EPB41L4B: variants seen among roughly 807,000 people sequenced by gnomAD.
EPB41L4B encodes erythrocyte membrane protein band 4.1 like 4B.
Under a neutral mutation model 112.5 loss-of-function variants are expected in EPB41L4B, and 30 were observed. The observed-to-expected ratio is 0.27, with a 90% CI of 0.20 to 0.36. The LOEUF is 0.36. Ranked by LOEUF, EPB41L4B falls within the 10% of genes least tolerant of loss-of-function variation. EPB41L4B has a pLI of 1.00. For synonymous variants in EPB41L4B, 408 were observed against 439.7 expected, an observed-to-expected ratio of 0.93 and a Z score of 0.90; for missense variants, 1,024 against 1,133.3, an observed-to-expected ratio of 0.90 and a Z score of 1.38.
chr9:109,205,568 A>T (rs899711575), intron 18 of EPB41L4B, among the ~76,000 whole-genome samples: 2 of 152,198 alleles, frequency 1.3e-5, no homozygotes, highest in African/African-American at 4.8e-5. Context: ...GAAAATAAAG[A>T]ATTTGTGACT....
intron 5 of EPB41L4B, 40 bp downstream of exon 5, chr9:109,264,940 A>G: frequency 6.5e-7 from 1 of 1,531,916 alleles, no homozygotes; most frequent in Non-Finnish European, 8.8e-7. Flanking sequence ...ATACACTATG[A>G]TCTATCCTGG....
At chr9:109,177,938 C>T (rs918777641) in intron 24 of EPB41L4B, among the ~76,000 whole-genome samples, 6 of 151,734 alleles carry the variant, frequency 4.0e-5, no homozygotes, top group East Asian at 1.9e-4. Context: ...TTCTTTCTTT[C>T]GACAGAGTCT....
At position 109,219,392 on chromosome 9, in the gene EPB41L4B, G is replaced by C. The variant is rs559825067; in HGVS notation, c.1410-2247C>G. 1.4e-4 allele frequency among the ~76,000 whole-genome samples: 22 copies of C among 152,098 alleles called. No homozygotes were observed. The South Asian group carries it at 4.2e-3, about 29-fold the overall frequency. Reference sequence around the variant, plus strand: ...TTTCCTTTTTTTGAGATGGAGTCTCGCTCTGTCGCCCAGGCTAGAGTGCAG... The same window carrying C: ...TTTCCTTTTTTTGAGATGGAGTCTCCCTCTGTCGCCCAGGCTAGAGTGCAG... On this transcript the variant is annotated intron_variant, in intron 15 of 25. Transcript: ENST00000374566.
chr9:109,236,379 T>G (rs1023887313), intron 15 of EPB41L4B, among the ~76,000 whole-genome samples: 3 of 151,998 alleles, frequency 2.0e-5, no homozygotes, highest in African/African-American at 4.8e-5. Context: ...AGTTACTTAT[T>G]ATGATGTGTC....
chr9:109,185,848 G>A lies in EPB41L4B; in HGVS notation c.2302-243C>T, dbSNP rs1462149929. The stretch of plus-strand genomic sequence containing the variant: ...TTCTCCTTTCTGTCTTTCATCTGTT[G>A]TCTCCATCATCTGAGCAGATGACAT... On this transcript the variant is annotated intron_variant, in intron 22 of 25. Transcript: ENST00000374566. Among the ~76,000 whole-genome samples, 10 of 139,374 alleles carry A rather than the reference G, an allele frequency of 7.2e-5. No individual in the cohort carries two copies. The Admixed American group carries it at 8.2e-4, about 11-fold the overall frequency. 91.4% of individuals were successfully genotyped at this position (139,374 alleles called of 152,430 possible).
intron 1 of EPB41L4B, among the ~76,000 whole-genome samples, chr9:109,281,713 TA>T (rs1564317145): frequency 6.2e-4 from 82 of 131,404 alleles, no homozygotes; most frequent in South Asian, 6.2e-3. Context: ...AATAAATAAA[TA>T]AATAAATAAA....
chr9:109,179,141 C>G (rs1831958693), intron 24 of EPB41L4B, among the ~76,000 whole-genome samples: 1 of 152,166 alleles, frequency 6.6e-6, no homozygotes, highest in African/African-American at 2.4e-5. Context: ...GGCTCCCCAC[C>G]CTAGATGGAC....
At chr9:109,290,782 A>ACACC (rs1440246432) in intron 1 of EPB41L4B, among the ~76,000 whole-genome samples, 2 of 142,796 alleles carry the variant, frequency 1.4e-5, no homozygotes, top group African/African-American at 5.2e-5. Context: ...ACACACACAC[A>ACACC]CCCCCCACCA....
Position 109,320,502 on chromosome 9 carries a change from TGCCGCTGCGCC to T in EPB41L4B, c.-67_-57del. The T allele has an allele frequency of 1.2e-6, 1 of 832,150 alleles. No individual in the cohort carries two copies. The highest frequency in any genetic ancestry group is 1.4e-6 in the Non-Finnish European group (1 of 691,392). The allele number at this position is 832,150 out of a possible 1,614,324, so 51.5% of individuals were successfully genotyped here. A position where few individuals can be genotyped will look rare whatever the true frequency, so the allele number is the denominator to read the frequency against. On this transcript the variant is annotated 5_prime_UTR_variant, in exon 1 of 26. Transcript: ENST00000374566. Reference sequence around the variant, plus strand: ...CCTGCGCTGCCGCTGCCGCTGCCGCTGCCGCTGCGCCGCCGCCCGGGAGCGTCCCGCGACGC... The same window carrying T: ...CCTGCGCTGCCGCTGCCGCTGCCGCTGCCGCCCGGGAGCGTCCCGCGACGC...
At chr9:109,270,190 G>T (rs1448875463) in intron 2 of EPB41L4B, among the ~76,000 whole-genome samples, 1 of 151,996 alleles carries the variant, frequency 6.6e-6, no homozygotes, top group Non-Finnish European at 1.5e-5. Flanking sequence ...ACTGATGTAG[G>T]CCTGTATTTA....
At chr9:109,195,460 G>A (rs1251662617) in intron 20 of EPB41L4B, among the ~76,000 whole-genome samples, 1 of 152,170 alleles carries the variant, frequency 6.6e-6, no homozygotes, top group Non-Finnish European at 1.5e-5. Context: ...ACTAAAAAGG[G>A]GGAAAGGTGA....
At chr9:109,282,565 C>A (rs956731348) in intron 1 of EPB41L4B, among the ~76,000 whole-genome samples, 1 of 152,184 alleles carries the variant, frequency 6.6e-6, no homozygotes, top group African/African-American at 2.4e-5. Context: ...ACTAACATCA[C>A]AACAGGAGAC....
At chr9:109,287,637 T>C (rs1483560997) in intron 1 of EPB41L4B, among the ~76,000 whole-genome samples, 3 of 152,130 alleles carry the variant, frequency 2.0e-5, no homozygotes, top group Admixed American at 6.5e-5. Flanking sequence ...CATCAGATGA[T>C]GTGTCTTTCT....
At chr9:109,279,426 A>G (rs1835952202) in intron 2 of EPB41L4B, among the ~76,000 whole-genome samples, 1 of 152,170 alleles carries the variant, frequency 6.6e-6, no homozygotes, top group South Asian at 2.1e-4. Context: ...CTTGTTGCCC[A>G]GGCTGGTTTT....
chr9:109,271,070 C>T (rs4978789), intron 2 of EPB41L4B, among the ~76,000 whole-genome samples: 77,343 of 152,138 alleles, frequency 0.51, 19,845 homozygotes, highest in East Asian at 0.67. Flanking sequence ...TGCAAAATCT[C>T]AAGCAATTTC....
intron 25 of EPB41L4B, among the ~76,000 whole-genome samples, chr9:109,176,050 G>GCACACGCACA (rs1831820685): frequency 3.0e-5 from 1 of 32,926 alleles, no homozygotes; most frequent in South Asian, 5.0e-4. Context: ...TCACACACAC[G>GCACACGCACA]CACACACACA....
In EPB41L4B at chr9:109,309,985, C is replaced by T. The variant is rs1588237737; in HGVS notation, c.306+10156G>A. Reference sequence around the variant, plus strand: ...AACAATTTTGTATGATTATAAAGGGCCCCGCCCACTCTTCCTCCCAGGTAC... The same window carrying T: ...AACAATTTTGTATGATTATAAAGGGTCCCGCCCACTCTTCCTCCCAGGTAC... On this transcript the variant is annotated intron_variant, in intron 1 of 25. Coordinates refer to ENST00000374566, the MANE Select transcript of EPB41L4B (RefSeq NM_019114.5). Among the ~76,000 whole-genome samples, 8 of 152,246 alleles carry T rather than the reference C, an allele frequency of 5.3e-5. No homozygotes were observed. The South Asian group carries it at 1.5e-3, about 28-fold the overall frequency.
intron 17 of EPB41L4B, among the ~76,000 whole-genome samples, chr9:109,211,188 T>C (rs1484632907): frequency 6.6e-6 from 1 of 152,070 alleles, no homozygotes; most frequent in Non-Finnish European, 1.5e-5. Context: ...GGAAAAAACC[T>C]TAAAAGCCAT....
chr9:109,192,438 C>T (rs1832492036), intron 21 of EPB41L4B, 83 bp from the exon 22 acceptor site: 2 of 982,052 alleles, frequency 2.0e-6, no homozygotes, highest in Non-Finnish European at 3.1e-6. Flanking sequence ...GCAGAGGTTC[C>T]CAGCCTCTCC....
Sources: gnomAD v4.1 joint callset for allele counts (sites outside exome capture counted in the v4.1 genomes callset) on GRCh38, gnomAD v4.1.1 for gene constraint, MANE v1.5 for transcripts, NCBI Gene and HGNC (gene_info 2026-07-23, HGNC 2026-07-21) for gene names.